ATP1A2: variants seen among roughly 807,000 people sequenced by gnomAD.
ATP1A2 encodes ATPase Na+/K+ transporting subunit alpha 2.
Under a neutral mutation model 113.1 loss-of-function variants are expected in ATP1A2, and 56 were observed. That is an observed-to-expected ratio of 0.49 (90% CI 0.40 to 0.62). The LOEUF (loss-of-function observed/expected upper bound fraction) is 0.62. Ranked by LOEUF, ATP1A2 falls within the 20% of genes least tolerant of loss-of-function variation. The pLI, the probability that ATP1A2 is intolerant of heterozygous loss-of-function variation, is 0.00. For synonymous variants in ATP1A2, 490 were observed against 526.8 expected (o/e 0.93, Z 0.96); for missense variants, 712 against 1,357.8 (o/e 0.52, Z 7.47).
chr1:160,135,674 C>T lies in ATP1A2; in HGVS notation c.2284+72C>T. On this transcript the variant is annotated intron_variant, in intron 16 of 22. Transcript: ENST00000361216. The surrounding 1 kb of genome is among the most constrained non-coding windows in gnomAD (Gnocchi z 6.3). ...GGCACCTCTGTTCCCTGTCCCTTTA[C>T]CCCAGTTGAAGAATCATTCCACAAC... The T allele has an allele frequency of 3.7e-6, 6 of 1,611,686 alleles. No individual in the cohort carries two copies. The highest frequency in any genetic ancestry group is 2.2e-5 in the East Asian group (1 of 44,842).
At chr1:160,116,537 G>A (rs1217338754) in intron 1 of ATP1A2, among the ~76,000 whole-genome samples, 1 of 8,922 alleles carries the variant, frequency 1.1e-4, no homozygotes, top group Admixed American at 2.1e-3. Flanking sequence ...GCTGGTGACA[G>A]GTGACCCCCC....
chr1:160,139,772 T>G, intron 21 of ATP1A2, 31 bp downstream of exon 21: 1 of 1,613,510 alleles, frequency 6.2e-7, no homozygotes, highest in Non-Finnish European at 8.5e-7. Flanking sequence ...GCCTGAGTAG[T>G]CATACGGGGG....
chr1:160,125,129 T>A lies in ATP1A2; in HGVS notation c.631-7T>A. Reference sequence around the variant, plus strand: ...AGTCTGATGACTATGCACTCCTTCCTCCTCAGGTGGATAACTCATCCTTAA... The same window carrying A: ...AGTCTGATGACTATGCACTCCTTCCACCTCAGGTGGATAACTCATCCTTAA... On this transcript the variant is annotated splice_region_variant and splice_polypyrimidine_tract_variant and intron_variant, in intron 6 of 22. Transcript: ENST00000361216. 1.2e-6 allele frequency: 2 copies of A among 1,613,522 alleles called. No individual in the cohort carries two copies. Among genetic ancestry groups the A allele is most frequent in the Non-Finnish European group, 1.7e-6 (2 of 1,179,462 alleles).
At chr1:160,122,795 C>A (rs1247519701) in intron 3 of ATP1A2, among the ~76,000 whole-genome samples, 1 of 152,054 alleles carries the variant, frequency 6.6e-6, no homozygotes, top group Non-Finnish European at 1.5e-5. Context: ...GCGCTCCAGC[C>A]TGGGCAACAT....
Position 160,141,385 on chromosome 1 carries a change from T to A in ATP1A2, c.*63T>A. 1.3e-6 allele frequency: 2 copies of A among 1,597,902 alleles called. No homozygotes were observed. The highest frequency in any genetic ancestry group is 8.6e-7 in the Non-Finnish European group (1 of 1,165,408). ...AGCTCTGGAGGTGTTGTGGGGATGG[T>A]GATGGAGAGGGATGGAAATAACGGG... On this transcript the variant is annotated 3_prime_UTR_variant, in exon 23 of 23. Coordinates refer to ENST00000361216, the MANE Select transcript of ATP1A2 (RefSeq NM_000702.4).
At position 160,128,858 on chromosome 1, in the gene ATP1A2, G is replaced by A. The variant is rs755113025; in HGVS notation, c.1216+8G>A. On this transcript the variant is annotated splice_region_variant and intron_variant, in intron 9 of 22. Transcript: ENST00000361216. Reference sequence around the variant, plus strand: ...CCACCGAAGATCAGTCTGGTGATTGGGTGCTCCAGAGGGGGTGGATAGGAT... The same window carrying A: ...CCACCGAAGATCAGTCTGGTGATTGAGTGCTCCAGAGGGGGTGGATAGGAT... 3.2e-5 allele frequency: 52 copies of A among 1,614,022 alleles called. No homozygotes were observed. Among genetic ancestry groups the A allele is most frequent in the Non-Finnish European group, 3.9e-5 (46 of 1,180,018 alleles).
chr1:160,123,188 C>T (rs751731933), intron 3 of ATP1A2, 25 bp from the exon 4 acceptor site: 9 of 1,613,468 alleles, frequency 5.6e-6, no homozygotes, highest in Admixed American at 1.7e-5. Flanking sequence ...GATGCGTGCC[C>T]CTACGCCTCT....
intron 20 of ATP1A2, among the ~76,000 whole-genome samples, chr1:160,138,920 G>A (rs753619699): frequency 2.6e-5 from 4 of 152,128 alleles, no homozygotes; most frequent in Non-Finnish European, 4.4e-5. Flanking sequence ...AGCTTTTCAC[G>A]TGTTATCTCC....
intron 22 of ATP1A2, chr1:160,140,608 C>A (rs1652114323): frequency 1.2e-5 from 2 of 167,758 alleles, no homozygotes; most frequent in Non-Finnish European, 2.6e-5. Context: ...TCCTGAAGAT[C>A]AGAAGAGCTG....
rs150479554 is a variant in ATP1A2, at chr1:160,143,254, C to T, written c.*1932C>T. ...TGGGCCTGGGAATCTAAGTGGGAGA[C>T]AATATTAATTTGGATCCGATTAATT... On this transcript the variant is annotated 3_prime_UTR_variant, in exon 23 of 23. Coordinates refer to ENST00000361216, the MANE Select transcript of ATP1A2 (RefSeq NM_000702.4). 1 of 152,236 alleles carries T rather than the reference C, an allele frequency of 6.6e-6. No homozygotes were observed. The highest frequency in any genetic ancestry group is 1.9e-4 in the East Asian group (1 of 5,178). The allele number at this position is 152,236 out of a possible 1,614,324, so 9.4% of individuals were successfully genotyped here.
At position 160,117,826 on chromosome 1, in the gene ATP1A2, G is replaced by T. The variant is rs551793407; in HGVS notation, c.12+1953G>T. ...GCTACCACGGAGAGGCTGAGATGGG[G>T]GGAGCGTTGGCGGATTCCCAGCTGC... On this transcript the variant is annotated intron_variant, in intron 1 of 22. Coordinates refer to ENST00000361216, the MANE Select transcript of ATP1A2 (RefSeq NM_000702.4). 3.0e-3 allele frequency among the ~76,000 whole-genome samples: 455 copies of T among 152,250 alleles called. 2 individuals carry two copies. The highest frequency in any genetic ancestry group is 0.027 in the Middle Eastern group (8 of 294).
chr1:160,128,013 G>A (rs1651639612), intron 8 of ATP1A2, among the ~76,000 whole-genome samples, 193 bp downstream of exon 8: 1 of 152,174 alleles, frequency 6.6e-6, no homozygotes, highest in Non-Finnish European at 1.5e-5. Context: ...GCTATTCTTA[G>A]GCACTCAGTT....
chr1:160,141,203 C>T (rs1652136957), intron 22 of ATP1A2, 91 bp from the exon 23 acceptor site: 1 of 1,520,582 alleles, frequency 6.6e-7, no homozygotes. Context: ...TCTCCTTCCA[C>T]CTGGCTTCAG....
intron 7 of ATP1A2, among the ~76,000 whole-genome samples, chr1:160,126,738 T>C (rs1294042691): frequency 6.6e-6 from 1 of 152,224 alleles, no homozygotes; most frequent in African/African-American, 2.4e-5. Context: ...CCCAAAGTGC[T>C]GGGATTACAG....
At chr1:160,118,894 AAG>A (rs1163493226) in intron 1 of ATP1A2, among the ~76,000 whole-genome samples, 1 of 152,078 alleles carries the variant, frequency 6.6e-6, no homozygotes, top group Non-Finnish European at 1.5e-5. Context: ...ATAAGTAAAA[AAG>A]GCATTACCCT....
chr1:160,117,537 G>C (rs1488656473), intron 1 of ATP1A2, among the ~76,000 whole-genome samples: 4 of 152,132 alleles, frequency 2.6e-5, no homozygotes, highest in Admixed American at 2.6e-4. Context: ...AGCAGATCTG[G>C]GCTGTTTAAA....
At chr1:160,128,532 A>T (rs1651657661) in intron 8 of ATP1A2, 120 bp from the exon 9 acceptor site, 1 of 1,562,298 alleles carries the variant, frequency 6.4e-7, no homozygotes, top group South Asian at 1.2e-5. Context: ...GCTAAGTCCC[A>T]CCCATTCAAG....
At chr1:160,134,393 G>A (rs956790516) in intron 13 of ATP1A2, 91 bp from the exon 14 acceptor site, 7 of 1,587,588 alleles carry the variant, frequency 4.4e-6, no homozygotes, top group African/African-American at 2.7e-5. Context: ...CAGACATCTC[G>A]CTATCTAGCT....
rs114735459 is a variant in ATP1A2, at chr1:160,121,695, A to G, written c.177+444A>G. ...TACATACATTTCTCTAATCTTTACA[A>G]CAACCCTTTGAGATAGGTATTGCAG... On this transcript the variant is annotated intron_variant, in intron 3 of 22. Coordinates refer to ENST00000361216, the MANE Select transcript of ATP1A2 (RefSeq NM_000702.4). Among the ~76,000 whole-genome samples the G allele has an allele frequency of 8.1e-3, 1,231 of 152,356 alleles. 15 individuals carry two copies. The highest frequency in any genetic ancestry group is 0.028 in the African/African-American group (1,175 of 41,570).
Sources: gnomAD v4.1 joint callset for allele counts (sites outside exome capture counted in the v4.1 genomes callset) on GRCh38, gnomAD v4.1.1 for gene constraint, Gnocchi (gnomAD v3.1) non-coding constraint, MANE v1.5 for transcripts, NCBI Gene and HGNC (gene_info 2026-07-23, HGNC 2026-07-21) for gene names.